Variants in CHERP observed in about 807,000 individuals in gnomAD.
The protein encoded by CHERP is calcium homeostasis endoplasmic reticulum protein.
In CHERP, 8 loss-of-function variants were observed where a neutral mutation model predicts 113.8. The ratio of observed to expected loss-of-function variants is 0.07; its 90% CI spans 0.04 to 0.13. The LOEUF (loss-of-function observed/expected upper bound fraction) is 0.13, where lower values mean the gene tolerates loss of function less well. CHERP is among the 10% of genes least tolerant of loss of function. The probability of loss-of-function intolerance (pLI) is 1.00; values close to 1 mark genes in which losing one functional copy is unlikely to be tolerated. For synonymous variants in CHERP, 559 were observed against 524.5 expected, an observed-to-expected ratio of 1.07 and a Z score of -0.90; for missense variants, 884 against 1,298.2, an observed-to-expected ratio of 0.68 and a Z score of 4.90.
chr19:16,531,252 G>A (rs531809904), intron 5 of CHERP, among the ~76,000 whole-genome samples: 3 of 152,320 alleles, frequency 2.0e-5, no homozygotes, highest in South Asian at 2.1e-4. Flanking sequence ...GGACTGCTGC[G>A]GAGTGGGGGT....
intron 11 of CHERP, among the ~76,000 whole-genome samples, chr19:16,522,147 CCCATGGCT>C (rs1320591125): frequency 6.6e-6 from 1 of 152,158 alleles, no homozygotes; most frequent in Non-Finnish European, 1.5e-5. Flanking sequence ...CTCCCTGCTG[CCCATGGCT>C]CCGTGAAGTC....
chr19:16,524,889 G>A (rs572848885), intron 10 of CHERP, among the ~76,000 whole-genome samples: 302 of 152,054 alleles, frequency 2.0e-3, no homozygotes, highest in Non-Finnish European at 2.7e-3. Flanking sequence ...ACCACGCCAA[G>A]TATTGATTTT....
intron 11 of CHERP, among the ~76,000 whole-genome samples, chr19:16,522,726 G>A (rs1037340761): frequency 6.6e-6 from 1 of 152,140 alleles, no homozygotes; most frequent in Non-Finnish European, 1.5e-5. Context: ...TCCATCAGCA[G>A]CCCTGGGACA....
At chr19:16,521,099 G>A in intron 12 of CHERP, 187 bp from the exon 13 acceptor site, 1 of 627,982 alleles carries the variant, frequency 1.6e-6, no homozygotes, top group Non-Finnish European at 2.9e-6. Flanking sequence ...CAGCCCAGTG[G>A]CTCCTCTGGT....
chr19:16,528,255 T>C lies in CHERP; in HGVS notation c.1130A>G (p.Asp377Gly). 1 of 1,568,056 alleles carries C rather than the reference T, an allele frequency of 6.4e-7. No homozygotes were observed. The change falls in exon 9 of 17, where the codon GAT (aspartate) becomes GGT (glycine). Residue 377 changes from aspartate to glycine, a missense_variant and splice_region_variant. Asp to Gly is a moderately conservative substitution (Grantham distance 94). Transcript: ENST00000546361. ...CATCTGGATGGGAGGCTTGCTGTCA[T>C]CTAAATCCAAGTGACAGGCAGTTAG... ...APAIPPTTQP[D>G]DSKPPIQMPG...
In CHERP at chr19:16,519,255, G is replaced by A. The variant is rs374260736; in HGVS notation, c.2655C>T (p.Gly885=). 144 of 1,613,890 alleles carry A rather than the reference G, an allele frequency of 8.9e-5. No homozygotes were observed. The highest frequency in any genetic ancestry group is 1.6e-4 in the Middle Eastern group (1 of 6,084). Residue 885 remains glycine, a synonymous_variant, in exon 17 of 17, where the codon GGC becomes GGT. Coordinates refer to ENST00000546361, the MANE Select transcript of CHERP (RefSeq NM_006387.6). This position sits in a 1 kb window ranked among gnomAD's most constrained non-coding sequence, Gnocchi z 6.0. Reference sequence around the variant, plus strand: ...AGGGGTCATCCAGAGCCACGCCCACGCCTTTATACTGGTCCCACTTATCCC... The same window carrying A: ...AGGGGTCATCCAGAGCCACGCCCACACCTTTATACTGGTCCCACTTATCCC... ...DVRDKWDQYK[G]VGVALDDPYE... is the part of the protein sequence containing the mutation.
In CHERP at chr19:16,519,610, C is replaced by T; in HGVS notation, c.2557+11G>A. ...GACCCATCCCGCGCCCTCCCCATTC[C>T]CTCGCCTTACCCATCTTCACCAGCA... On this transcript the variant is annotated intron_variant, in intron 16 of 16. Coordinates refer to ENST00000546361, the MANE Select transcript of CHERP (RefSeq NM_006387.6). The surrounding 1 kb of genome is among the most constrained non-coding windows in gnomAD (Gnocchi z 6.0). 1 of 1,613,008 alleles carries T rather than the reference C, an allele frequency of 6.2e-7. No individual in the cohort carries two copies. The highest frequency in any genetic ancestry group is 8.5e-7 in the Non-Finnish European group (1 of 1,179,028).
At position 16,532,872 on chromosome 19, in the gene CHERP, G is replaced by A. The variant is rs866547583; in HGVS notation, c.523-123C>T. On this transcript the variant is annotated intron_variant, in intron 4 of 16. Coordinates refer to ENST00000546361, the MANE Select transcript of CHERP (RefSeq NM_006387.6). This position sits in a 1 kb window ranked among gnomAD's most constrained non-coding sequence, Gnocchi z 4.4. ...CACACCATGAGCGTGGGGGGCACAG[G>A]GTCCCACAGCCTCAGGAGCTCCAGG... is the stretch of plus-strand genomic sequence containing the variant. 25 of 1,523,994 alleles carry A rather than the reference G, an allele frequency of 1.6e-5. No homozygotes were observed. The South Asian group carries it at 2.5e-4, about 15-fold the overall frequency. 94.4% of individuals were successfully genotyped at this position (1,523,994 alleles called of 1,614,324 possible). A position where few individuals can be genotyped will look rare whatever the true frequency, so the allele number is the denominator to read the frequency against.
intron 11 of CHERP, among the ~76,000 whole-genome samples, chr19:16,521,873 A>G (rs182942664): frequency 3.3e-5 from 5 of 152,338 alleles, no homozygotes; most frequent in Admixed American, 2.6e-4. Flanking sequence ...GGCTGATGAC[A>G]GTCACAGGGT....
At position 16,535,720 on chromosome 19, in the gene CHERP, C is replaced by G. The variant is rs2085737123; in HGVS notation, c.200-84G>C. The G allele has an allele frequency of 7.8e-7, 1 of 1,290,304 alleles. No individual in the cohort carries two copies. Among genetic ancestry groups the G allele is most frequent in the Non-Finnish European group, 1.0e-6 (1 of 966,328 alleles). 79.9% of individuals were successfully genotyped at this position (1,290,304 alleles called of 1,614,324 possible). ...CTTGGCCACCTCTCAGCCACAGGGG[C>G]CTCCCCCTCCCCAGGGACTCACCAT... On this transcript the variant is annotated intron_variant, in intron 2 of 16. Coordinates refer to ENST00000546361, the MANE Select transcript of CHERP (RefSeq NM_006387.6). The surrounding 1 kb of genome is among the most constrained non-coding windows in gnomAD (Gnocchi z 4.3).
chr19:16,535,470 G>A lies in CHERP; in HGVS notation c.366C>T (p.His122=), dbSNP rs1331947164. The change falls in exon 3 of 17, where the codon CAC becomes CAT. Residue 122 remains histidine, a synonymous_variant. Transcript: ENST00000546361. The surrounding 1 kb of genome is among the most constrained non-coding windows in gnomAD (Gnocchi z 4.3). Reference sequence around the variant, plus strand: ...CCCATACCTGTCTGAGCGCCAGCAAGTGCTGCTCCTGCTGCTGGAGGTTCC... The same window carrying A: ...CCCATACCTGTCTGAGCGCCAGCAAATGCTGCTCCTGCTGCTGGAGGTTCC... The part of the protein sequence containing the change: ...SQWNLQQQEQ[H]LLALRQEQVT... The A allele has an allele frequency of 6.2e-7, 1 of 1,609,708 alleles. No homozygotes were observed. The highest frequency in any genetic ancestry group is 1.3e-5 in the African/African-American group (1 of 74,996).
rs539788239 is a variant in CHERP, at chr19:16,533,187, AG to A, written c.385-40del. ...TCGGTGGGGTCGAGAACACATGAGG[AG>A]GGACCCGCAGCCTGAGCCCTCCGGC... On this transcript the variant is annotated intron_variant, in intron 3 of 16. Transcript: ENST00000546361. 2.6e-3 allele frequency: 4,099 copies of A among 1,552,690 alleles called. 6 individuals carry two copies. The highest frequency in any genetic ancestry group is 3.2e-3 in the Non-Finnish European group (3,644 of 1,150,304).
At chr19:16,521,371 C>T (rs1599746026) in intron 12 of CHERP, 150 bp downstream of exon 12, 1 of 662,242 alleles carries the variant, frequency 1.5e-6, no homozygotes, top group Non-Finnish European at 2.5e-6. Context: ...TGTGCTGTGC[C>T]TGTGACACAC....
intron 3 of CHERP, among the ~76,000 whole-genome samples, chr19:16,534,292 C>A (rs751311985): frequency 1.3e-5 from 2 of 151,932 alleles, no homozygotes; most frequent in Non-Finnish European, 2.9e-5. Flanking sequence ...CCCTGTGATC[C>A]GCCTGCCTTG....
At chr19:16,539,601 T>C (rs1316479316) in intron 2 of CHERP, 1 of 152,152 alleles carries the variant, frequency 6.6e-6, no homozygotes, top group African/African-American at 2.4e-5. Flanking sequence ...GAAAAACCCC[T>C]GGATTGAGTG....
chr19:16,518,080 G>T lies in CHERP; in HGVS notation c.*1079C>A, dbSNP rs558718637. 6.6e-6 allele frequency: 1 copy of T among 152,034 alleles called. No individual in the cohort carries two copies. Among genetic ancestry groups the T allele is most frequent in the African/African-American group, 2.4e-5 (1 of 41,410 alleles). 9.4% of individuals were successfully genotyped at this position (152,034 alleles called of 1,614,324 possible). A position where few individuals can be genotyped will look rare whatever the true frequency, so the allele number is the denominator to read the frequency against. ...GGAAGATTTTGCATCTTATTGAAAA[G>T]AATTTTTCAAAAATGTTTCTGTACA... On this transcript the variant is annotated 3_prime_UTR_variant, in exon 17 of 17. Transcript: ENST00000546361.
chr19:16,521,611 C>T lies in CHERP; in HGVS notation c.2024G>A (p.Arg675His). 6.2e-7 allele frequency: 1 copy of T among 1,609,126 alleles called. No homozygotes were observed. Among genetic ancestry groups the T allele is most frequent in the Non-Finnish European group, 8.5e-7 (1 of 1,177,854 alleles). Reference protein sequence around the residue: ...EYKPLDPKDIRLPPPMPPSER... With the variant: ...EYKPLDPKDIHLPPPMPPSER... ...GCTGGGCGGCATGGGGGGTGGGAGG[C>T]GGATGTCTTTAGGGTCCAAAGGCTT... Residue 675 changes from arginine (R) to histidine (H), a missense_variant, in exon 12 of 17, where the codon CGC becomes CAC. By Grantham distance (29) the Arg-to-His change is conservative. Transcript: ENST00000546361.
At chr19:16,521,691 C>T (rs2085617033) in intron 11 of CHERP, 37 bp from the exon 12 acceptor site, 3 of 1,520,984 alleles carry the variant, frequency 2.0e-6, no homozygotes, top group African/African-American at 1.4e-5. Flanking sequence ...CATGCCTGGG[C>T]AGAGCCCTCT....
Position 16,532,866 on chromosome 19 carries a change from G to A in CHERP, c.523-117C>T, listed in dbSNP as rs2085716214. 17 of 1,527,608 alleles carry A rather than the reference G, an allele frequency of 1.1e-5. No individual in the cohort carries two copies. Among genetic ancestry groups the A allele is most frequent in the Middle Eastern group, 1.7e-4 (1 of 5,752 alleles). 94.6% of individuals were successfully genotyped at this position (1,527,608 alleles called of 1,614,324 possible). A position where few individuals can be genotyped will look rare whatever the true frequency, so the allele number is the denominator to read the frequency against. On this transcript the variant is annotated intron_variant, in intron 4 of 16. Transcript: ENST00000546361. This position sits in a 1 kb window ranked among gnomAD's most constrained non-coding sequence, Gnocchi z 4.4. The stretch of plus-strand genomic sequence containing the variant: ...GAAGGACACACCATGAGCGTGGGGG[G>A]CACAGGGTCCCACAGCCTCAGGAGC...
Sources: allele counts gnomAD v4.1 joint callset (sites outside exome capture counted in the v4.1 genomes callset), GRCh38; gene constraint gnomAD v4.1.1; non-coding constraint Gnocchi (gnomAD v3.1); transcripts MANE v1.5; gene names NCBI Gene and HGNC (gene_info 2026-07-23, HGNC 2026-07-21).